The following DPP10 variants were observed in gnomAD, a reference collection of about 807,000 sequenced individuals.
DPP10 encodes the protein inactive dipeptidyl peptidase 10.
A neutral mutation model predicts 120.9 loss-of-function variants in DPP10; 33 were observed. That is an observed-to-expected ratio of 0.27 (90% CI 0.21 to 0.37). The LOEUF is 0.37. DPP10 is among the 10% of genes least tolerant of loss of function. The pLI is 1.00. For missense variants in DPP10, 816 were observed against 942.8 expected, an observed-to-expected ratio of 0.87 and a Z score of 1.76; for synonymous variants, 337 against 326.1, an observed-to-expected ratio of 1.03 and a Z score of -0.36.
chr2:115,381,425 T>C (rs1382318892), intron 3 of DPP10, among the ~76,000 whole-genome samples: 1 of 152,348 alleles, frequency 6.6e-6, no homozygotes, highest in Middle Eastern at 3.4e-3. Flanking sequence ...AGCACTTCTC[T>C]GTATTGGTTA....
At chr2:115,284,851 T>C (rs1308469332) in intron 1 of DPP10, among the ~76,000 whole-genome samples, 2 of 152,060 alleles carry the variant, frequency 1.3e-5, no homozygotes, top group African/African-American at 2.4e-5. Context: ...TTGGCCCTTA[T>C]TCTTCTTTCC....
rs1170913309 is a variant in DPP10, at chr2:115,616,948, T to C, written c.442-72739T>C. On this transcript the variant is annotated intron_variant, in intron 5 of 25. Coordinates refer to ENST00000410059, the MANE Select transcript of DPP10 (RefSeq NM_020868.6). ...GCTTGAGGTGCATAACTTAGACTTA[T>C]ATTTTCTCAAACCTGCTCTCATACT... is the stretch of plus-strand genomic sequence containing the variant. Among the ~76,000 whole-genome samples, 4 of 152,006 alleles carry C rather than the reference T, an allele frequency of 2.6e-5. 1 individual carries two copies. Among genetic ancestry groups the C allele is most frequent in the South Asian group, 4.1e-4 (2 of 4,826 alleles).
chr2:115,827,422 A>ATATATG (rs1376459733), intron 21 of DPP10, among the ~76,000 whole-genome samples: 8 of 138,990 alleles, frequency 5.8e-5, no homozygotes, highest in African/African-American at 2.1e-4. Context: ...GTGTATATAT[A>ATATATG]TATATATATA....
chr2:114,619,161 T>C (rs1023975563), intron 1 of DPP10, among the ~76,000 whole-genome samples: 2 of 151,988 alleles, frequency 1.3e-5, no homozygotes, highest in Admixed American at 6.6e-5. Flanking sequence ...GGGAACAGTA[T>C]GGATTATGAT....
intron 1 of DPP10, among the ~76,000 whole-genome samples, chr2:114,786,773 C>G (rs1201110919): frequency 6.6e-6 from 1 of 152,118 alleles, no homozygotes; most frequent in East Asian, 1.9e-4. Context: ...AGCAAAACAA[C>G]CAAAGCAGTG....
At chr2:114,669,418 T>C (rs1057178722) in intron 1 of DPP10, among the ~76,000 whole-genome samples, 1 of 152,132 alleles carries the variant, frequency 6.6e-6, no homozygotes, top group African/African-American at 2.4e-5. Flanking sequence ...AATTAAGCTG[T>C]TGCACTTAAT....
intron 1 of DPP10, among the ~76,000 whole-genome samples, chr2:114,882,221 G>A (rs918461902): frequency 1.3e-5 from 2 of 152,012 alleles, no homozygotes; most frequent in Admixed American, 6.6e-5. Context: ...GCTTATAGAA[G>A]CACAATTAGC....
At chr2:115,681,178 A>T (rs2090625555) in intron 5 of DPP10, among the ~76,000 whole-genome samples, 1 of 140,966 alleles carries the variant, frequency 7.1e-6, no homozygotes, top group Admixed American at 7.0e-5. Context: ...AAATGTGCAT[A>T]TCTTCTGATC....
intron 3 of DPP10, among the ~76,000 whole-genome samples, chr2:115,402,929 GTATA>G (rs776426536): frequency 8.6e-5 from 11 of 128,100 alleles, no homozygotes; most frequent in South Asian, 4.9e-4. Flanking sequence ...ATATATATAT[GTATA>G]TATATATGTG....
intron 9 of DPP10, among the ~76,000 whole-genome samples, chr2:115,745,146 G>A (rs1677789273): frequency 6.6e-6 from 1 of 150,476 alleles, no homozygotes; most frequent in Non-Finnish European, 1.5e-5. Context: ...AGGCCATTGT[G>A]TTGGAACAAA....
intron 5 of DPP10, among the ~76,000 whole-genome samples, chr2:115,600,388 A>C (rs1378235071): frequency 6.6e-6 from 1 of 152,206 alleles, no homozygotes; most frequent in African/African-American, 2.4e-5. Context: ...TCAGATGAAT[A>C]AGTATTTTAA....
At chr2:114,476,924 C>T (rs1007352118) in intron 1 of DPP10, among the ~76,000 whole-genome samples, 4 of 152,008 alleles carry the variant, frequency 2.6e-5, no homozygotes. Flanking sequence ...CTTCTGACAT[C>T]ATAGATTAGT....
chr2:114,857,912 A>T (rs1689494306), intron 1 of DPP10, among the ~76,000 whole-genome samples: 1 of 152,094 alleles, frequency 6.6e-6, no homozygotes, highest in Non-Finnish European at 1.5e-5. Context: ...GGCAGGTAAG[A>T]TGTAGTGAAA....
chr2:115,401,561 C>T (rs940142072), intron 3 of DPP10, among the ~76,000 whole-genome samples: 6 of 151,944 alleles, frequency 3.9e-5, no homozygotes, highest in South Asian at 4.2e-4. Flanking sequence ...CCAGTCCGGG[C>T]GACATTGTGA....
intron 1 of DPP10, among the ~76,000 whole-genome samples, chr2:115,303,770 G>T (rs1016217042): frequency 6.6e-6 from 1 of 151,692 alleles, no homozygotes; most frequent in South Asian, 2.1e-4. Context: ...ATCTTGTGTG[G>T]TATCCCAAAC....
At chr2:115,708,803 A>G (rs2092220240) in intron 7 of DPP10, among the ~76,000 whole-genome samples, 1 of 152,148 alleles carries the variant, frequency 6.6e-6, no homozygotes, top group African/African-American at 2.4e-5. Context: ...TTAAAATTAT[A>G]TAATTTACTT....
At chr2:115,638,196 G>A (rs149189948) in intron 5 of DPP10, among the ~76,000 whole-genome samples, 1 of 152,292 alleles carries the variant, frequency 6.6e-6, no homozygotes, top group Non-Finnish European at 1.5e-5. Flanking sequence ...TCCGTCAGTT[G>A]ATTGCACATT....
chr2:115,343,935 A>G lies in DPP10; in HGVS notation c.271+23A>G, dbSNP rs1166572177. 2.6e-6 allele frequency: 4 copies of G among 1,544,574 alleles called. 1 individual carries two copies. Among genetic ancestry groups the G allele is most frequent in the African/African-American group, 2.8e-5 (2 of 71,922 alleles). ...ATGGTAAGTGTATACCTTTTTAAAC[A>G]TTGTATTCATTTTGAGTTCTGTATA... On this transcript the variant is annotated intron_variant, in intron 3 of 25. Coordinates refer to ENST00000410059, the MANE Select transcript of DPP10 (RefSeq NM_020868.6).
intron 1 of DPP10, among the ~76,000 whole-genome samples, chr2:114,509,310 T>C (rs1287943686): frequency 6.6e-6 from 1 of 152,238 alleles, no homozygotes; most frequent in Non-Finnish European, 1.5e-5. Flanking sequence ...TATGAAGATT[T>C]GTTGAATCCT....
Sources: allele counts gnomAD v4.1 joint callset (sites outside exome capture counted in the v4.1 genomes callset), GRCh38; gene constraint gnomAD v4.1.1; transcripts MANE v1.5; gene names NCBI Gene and HGNC (gene_info 2026-07-23, HGNC 2026-07-21).